Variants in ADK observed in about 807,000 individuals in gnomAD.
The protein encoded by ADK is N6,N6-dimethyladenosine kinase.
ADK carries 24 observed loss-of-function variants against 44.7 expected under a neutral mutation model. The observed-to-expected ratio is 0.54, with a 90% confidence interval of 0.39 to 0.76. The LOEUF is 0.76. Among genes scored for constraint, ADK ranks in the 30% least tolerant of loss-of-function variants. The pLI is 0.00. For missense variants in ADK, 321 were observed against 425.1 expected (o/e 0.76, Z 2.15); for synonymous variants, 128 against 142.6 (o/e 0.90, Z 0.73).
At chr10:74,589,380 G>A in intron 8 of ADK, 63 bp downstream of exon 8, 1 of 1,541,208 alleles carries the variant, frequency 6.5e-7, no homozygotes. Flanking sequence ...TGATAATGAA[G>A]TTCTTTTGGA....
At chr10:74,621,011 A>G (rs1045167706) in intron 9 of ADK, among the ~76,000 whole-genome samples, 3 of 151,840 alleles carry the variant, frequency 2.0e-5, no homozygotes, top group African/African-American at 7.3e-5. Context: ...TTTCTATTCC[A>G]TAGGTTATCT....
chr10:74,447,971 C>T (rs542851139), intron 6 of ADK, among the ~76,000 whole-genome samples: 4 of 152,108 alleles, frequency 2.6e-5, no homozygotes, highest in Middle Eastern at 3.4e-3. Context: ...GTCAGGAGTT[C>T]GAGACCAGTC....
chr10:74,566,299 T>A (rs980877100), intron 7 of ADK, among the ~76,000 whole-genome samples: 1 of 143,636 alleles, frequency 7.0e-6, no homozygotes, highest in Non-Finnish European at 1.5e-5. Flanking sequence ...CTCCAACTCC[T>A]GGGCTCAAGT....
At chr10:74,332,954 A>T (rs958503994) in intron 4 of ADK, among the ~76,000 whole-genome samples, 2 of 152,172 alleles carry the variant, frequency 1.3e-5, no homozygotes, top group African/African-American at 4.8e-5. Flanking sequence ...ATTTTAGATC[A>T]TTTTAGATGT....
chr10:74,272,918 G>T (rs572086119), intron 3 of ADK, among the ~76,000 whole-genome samples: 6 of 152,190 alleles, frequency 3.9e-5, no homozygotes, highest in Non-Finnish European at 8.8e-5. Context: ...TTATACTGCA[G>T]ATCCTCTCTG....
intron 9 of ADK, among the ~76,000 whole-genome samples, chr10:74,609,401 T>C (rs1449270027): frequency 6.6e-6 from 1 of 152,152 alleles, no homozygotes; most frequent in African/African-American, 2.4e-5. Flanking sequence ...GTCTGCGAGT[T>C]GTGAAGACCA....
chr10:74,208,729 T>A (rs1843695061), intron 2 of ADK, among the ~76,000 whole-genome samples: 1 of 151,716 alleles, frequency 6.6e-6, no homozygotes, highest in Admixed American at 6.6e-5. Flanking sequence ...ATTTTTTATT[T>A]TTTTATTTTT....
At chr10:74,231,884 G>A (rs1844778328) in intron 3 of ADK, among the ~76,000 whole-genome samples, 2 of 151,894 alleles carry the variant, frequency 1.3e-5, no homozygotes, top group African/African-American at 2.4e-5. Context: ...AAGAGTTACC[G>A]TTTGTGCTTA....
intron 2 of ADK, among the ~76,000 whole-genome samples, chr10:74,220,494 G>C (rs1323642831): frequency 6.6e-6 from 1 of 152,070 alleles, no homozygotes; most frequent in African/African-American, 2.4e-5. Flanking sequence ...AATAGAAAAA[G>C]AGGGAATCCT....
chr10:74,368,727 T>G (rs1035501753), intron 4 of ADK, among the ~76,000 whole-genome samples: 1 of 152,058 alleles, frequency 6.6e-6, no homozygotes, highest in Admixed American at 6.6e-5. Flanking sequence ...CCTCCTGTGT[T>G]CAAGTGATTC....
rs181922728 is a variant in ADK, at chr10:74,350,310, A to G, written c.273+35565A>G. Among the ~76,000 whole-genome samples, 12 of 152,340 alleles carry G rather than the reference A, an allele frequency of 7.9e-5. No homozygotes were observed. In the East Asian group the frequency reaches 2.3e-3, roughly 29 times the overall value. The stretch of plus-strand genomic sequence containing the variant: ...TGGAAATTCAACAACCTGCTCCTGA[A>G]TGAATATTGGGTAAATAATGAAATT... On this transcript the variant is annotated intron_variant, in intron 4 of 10. Transcript: ENST00000539909.
Position 74,486,056 on chromosome 10 carries a change from A to C in ADK, c.556-39200A>C, listed in dbSNP as rs538263972. Among the ~76,000 whole-genome samples the C allele has an allele frequency of 5.1e-4, 78 of 152,326 alleles. No individual in the cohort carries two copies. The South Asian group carries it at 6.4e-3, about 13-fold the overall frequency. Reference sequence around the variant, plus strand: ...TTTTTCTCCCATATCCCCAAATCTCATCTTGAATTGTAATCCCTATAATCC... The same window carrying C: ...TTTTTCTCCCATATCCCCAAATCTCCTCTTGAATTGTAATCCCTATAATCC... On this transcript the variant is annotated intron_variant, in intron 6 of 10. Coordinates refer to ENST00000539909, the MANE Select transcript of ADK (RefSeq NM_006721.4).
intron 10 of ADK, among the ~76,000 whole-genome samples, chr10:74,678,351 T>C (rs1232800796): frequency 6.6e-6 from 1 of 152,044 alleles, no homozygotes; most frequent in Non-Finnish European, 1.5e-5. Flanking sequence ...ATTTGAGCCT[T>C]CGTTAGTTAA....
intron 6 of ADK, among the ~76,000 whole-genome samples, chr10:74,479,836 C>G (rs1385464673): frequency 2.0e-5 from 3 of 152,076 alleles, no homozygotes; most frequent in African/African-American, 7.2e-5. Context: ...ATTTTTCTCT[C>G]ACTTCTTTGT....
intron 9 of ADK, among the ~76,000 whole-genome samples, chr10:74,617,872 G>A (rs1375328780): frequency 6.6e-6 from 1 of 152,162 alleles, no homozygotes; most frequent in Non-Finnish European, 1.5e-5. Flanking sequence ...GATTACAGGT[G>A]TGAGCCACCA....
chr10:74,333,743 A>G (rs1419883955), intron 4 of ADK, among the ~76,000 whole-genome samples: 1 of 152,180 alleles, frequency 6.6e-6, no homozygotes, highest in Non-Finnish European at 1.5e-5. Flanking sequence ...TCAAAATTAT[A>G]AGTCCTGATT....
chr10:74,464,192 G>A (rs1469299662), intron 6 of ADK, among the ~76,000 whole-genome samples: 2 of 152,052 alleles, frequency 1.3e-5, no homozygotes, highest in Non-Finnish European at 2.9e-5. Flanking sequence ...TATCCTTTGT[G>A]TTCAAGTTTC....
At chr10:74,423,386 C>A in intron 6 of ADK, 1 of 164,208 alleles carries the variant, frequency 6.1e-6, no homozygotes, top group South Asian at 1.5e-4. Context: ...CCAGTCTAGT[C>A]GTTCAGGCAG....
At chr10:74,595,176 C>CAAAAA (rs781407492) in intron 8 of ADK, among the ~76,000 whole-genome samples, 2 of 29,608 alleles carry the variant, frequency 6.8e-5, no homozygotes, top group African/African-American at 1.3e-4. Context: ...AACTCCATCT[C>CAAAAA]AAAAAAAAAA....
Sources: gnomAD v4.1 joint callset for allele counts (sites outside exome capture counted in the v4.1 genomes callset) on GRCh38, gnomAD v4.1.1 for gene constraint, MANE v1.5 for transcripts, NCBI Gene and HGNC (gene_info 2026-07-23, HGNC 2026-07-21) for gene names.